DRC9: variants seen among roughly 807,000 people sequenced by gnomAD.
DRC9 encodes dynein regulatory complex subunit 9.
the DRC9 span, chr3:197,912,867 G>C: frequency 1.2e-6 from 1 of 806,114 alleles, no homozygotes; most frequent in Non-Finnish European, 2.1e-6. Context: ...CTGGGATCCC[G>C]GGCTTTCAGT....
At chr3:197,891,601 G>T in the DRC9 span, 1 of 890,966 alleles carries the variant, frequency 1.1e-6, no homozygotes, top group Non-Finnish European at 1.8e-6. Flanking sequence ...CTAAGCTGTA[G>T]CCCAGCCAGC....
At chr3:197,938,995 T>G in the DRC9 span, 1 of 544,104 alleles carries the variant, frequency 1.8e-6, no homozygotes, top group Middle Eastern at 5.0e-4. Flanking sequence ...ACTTACCACC[T>G]GGTACACTCT....
chr3:197,954,252 T>C, the DRC9 span: 1 of 1,131,576 alleles, frequency 8.8e-7, no homozygotes, highest in Non-Finnish European at 1.3e-6. Context: ...TTGACACCAG[T>C]AAATTATGCT....
chr3:197,905,160 C>G, the DRC9 span, among the ~76,000 whole-genome samples: 1 of 152,106 alleles, frequency 6.6e-6, no homozygotes, highest in Non-Finnish European at 1.5e-5. Flanking sequence ...TAAGACCCAG[C>G]ATTTGGTAGC....
the DRC9 span, among the ~76,000 whole-genome samples, chr3:197,940,863 T>C: frequency 8.5e-5 from 13 of 152,200 alleles, no homozygotes; most frequent in Non-Finnish European, 1.9e-4. Context: ...TATTACTATT[T>C]ACACTACAGT....
the DRC9 span, among the ~76,000 whole-genome samples, chr3:197,942,369 G>A: frequency 6.5e-5 from 7 of 107,596 alleles, no homozygotes; most frequent in Admixed American, 7.7e-4. Context: ...GGGCAACAGA[G>A]CGAGACTCCG....
the DRC9 span, chr3:197,953,591 T>TC: frequency 2.4e-3 from 1,090 of 458,224 alleles, 17 homozygotes; most frequent in African/African-American, 0.02. Flanking sequence ...TCATGGCATT[T>TC]CCCCTCCCTT....
the DRC9 span, among the ~76,000 whole-genome samples, chr3:197,893,447 T>C: frequency 1.3e-5 from 2 of 150,126 alleles, no homozygotes; most frequent in East Asian, 2.0e-4. Flanking sequence ...ACAAAAGGTA[T>C]GTAGAAAAGT....
chr3:197,941,052 T>G, the DRC9 span, among the ~76,000 whole-genome samples: 3 of 152,218 alleles, frequency 2.0e-5, no homozygotes, highest in African/African-American at 7.2e-5. Flanking sequence ...GGCAAATTAC[T>G]CTTTTCAAAG....
chr3:197,892,752 T>G, the DRC9 span: 3 of 1,613,984 alleles, frequency 1.9e-6, no homozygotes, highest in African/African-American at 4.0e-5. Flanking sequence ...CAGCCTCTCC[T>G]CAAGTTTCTA....
chr3:197,924,449 C>A, the DRC9 span, among the ~76,000 whole-genome samples: 4 of 152,188 alleles, frequency 2.6e-5, no homozygotes, highest in Non-Finnish European at 5.9e-5. Context: ...AACGAAAATT[C>A]CCTTCTGTGA....
At chr3:197,927,360 G>A in the DRC9 span, among the ~76,000 whole-genome samples, 3 of 152,282 alleles carry the variant, frequency 2.0e-5, no homozygotes, top group African/African-American at 7.2e-5. Flanking sequence ...CTGAGTAGCT[G>A]GGATTACAGG....
chr3:197,918,661 G>GA, the DRC9 span, among the ~76,000 whole-genome samples: 1 of 152,080 alleles, frequency 6.6e-6, no homozygotes, highest in South Asian at 2.1e-4. Flanking sequence ...ATATACTTTT[G>GA]AAAACTCAAG....
At chr3:197,892,994 A>T in the DRC9 span, among the ~76,000 whole-genome samples, 2 of 152,160 alleles carry the variant, frequency 1.3e-5, no homozygotes, top group South Asian at 4.1e-4. Flanking sequence ...GGTTACATGA[A>T]TGTGTATACA....
At chr3:197,944,271 T>G in the DRC9 span, among the ~76,000 whole-genome samples, 1 of 151,798 alleles carries the variant, frequency 6.6e-6, no homozygotes, top group Non-Finnish European at 1.5e-5. Flanking sequence ...TTTTTTTCTT[T>G]TTTTCAGATG....
At chr3:197,934,591 T>C in the DRC9 span, among the ~76,000 whole-genome samples, 3 of 152,162 alleles carry the variant, frequency 2.0e-5, no homozygotes, top group Non-Finnish European at 2.9e-5. Flanking sequence ...CGTGGTCACA[T>C]ACCTAGTTTG....
the DRC9 span, among the ~76,000 whole-genome samples, chr3:197,906,943 G>A: frequency 6.6e-6 from 1 of 152,162 alleles, no homozygotes; most frequent in South Asian, 2.1e-4. Flanking sequence ...TGTTCCTAGA[G>A]ATACCATCAT....
At chr3:197,892,516 A>G in the DRC9 span, 3 of 1,320,550 alleles carry the variant, frequency 2.3e-6, no homozygotes, top group Non-Finnish European at 3.1e-6. Flanking sequence ...GAGCACCCTG[A>G]TTCCTTCCAC....
the DRC9 span, among the ~76,000 whole-genome samples, chr3:197,920,634 C>G: frequency 8.5e-5 from 13 of 152,130 alleles, no homozygotes; most frequent in Middle Eastern, 6.8e-3. Context: ...CTGTTAGAGT[C>G]AATGCTAGGC....
Sources: gnomAD v4.1 joint callset for allele counts (sites outside exome capture counted in the v4.1 genomes callset) on GRCh38, gnomAD v4.1.1 for gene constraint, MANE v1.5 for transcripts, NCBI Gene and HGNC (gene_info 2026-07-23, HGNC 2026-07-21) for gene names.